The following ZNF385B variants were observed in gnomAD, a reference collection of about 807,000 sequenced individuals.
The protein encoded by ZNF385B is zinc finger protein 533.
Under a neutral mutation model 39.2 loss-of-function variants are expected in ZNF385B, and 23 were observed. That is an observed-to-expected ratio of 0.59 (90% CI 0.42 to 0.83). The LOEUF (loss-of-function observed/expected upper bound fraction) is 0.83, where lower values mean the gene tolerates loss of function less well. Among genes scored for constraint, ZNF385B ranks in the 40% least tolerant of loss-of-function variants. The pLI is 0.00. For synonymous variants in ZNF385B, 205 were observed against 222.6 expected (o/e 0.92, Z 0.70); for missense variants, 552 against 598.9 (o/e 0.92, Z 0.82).
At chr2:179,493,783 A>ATATATATATATG (rs1559338449) in intron 5 of ZNF385B, among the ~76,000 whole-genome samples, 1 of 103,060 alleles carries the variant, frequency 9.7e-6, no homozygotes, top group African/African-American at 3.4e-5. Context: ...ATGTATATAC[A>ATATATATATATG]CATATGTATA....
At chr2:179,520,462 A>G (rs1312743521) in intron 4 of ZNF385B, among the ~76,000 whole-genome samples, 1 of 152,190 alleles carries the variant, frequency 6.6e-6, no homozygotes, top group Non-Finnish European at 1.5e-5. Context: ...AAACTATGTG[A>G]CAAAGAAAAT....
chr2:179,685,699 A>AT (rs1195686204), intron 3 of ZNF385B, among the ~76,000 whole-genome samples: 1 of 151,960 alleles, frequency 6.6e-6, no homozygotes, highest in Non-Finnish European at 1.5e-5. Context: ...AAGTGCTAAA[A>AT]AAAAAAATAA....
At chr2:179,757,327 T>C (rs957643391) in intron 3 of ZNF385B, among the ~76,000 whole-genome samples, 54 of 152,258 alleles carry the variant, frequency 3.5e-4, no homozygotes, top group African/African-American at 1.3e-3. Context: ...TCTGGAAGCT[T>C]TGTCTCAGAG....
chr2:179,469,915 T>C (rs1466469016), intron 6 of ZNF385B, among the ~76,000 whole-genome samples: 3 of 152,210 alleles, frequency 2.0e-5, no homozygotes, highest in Non-Finnish European at 4.4e-5. Flanking sequence ...GGATTAGGCA[T>C]GTACAGATCA....
intron 6 of ZNF385B, among the ~76,000 whole-genome samples, chr2:179,458,071 A>T (rs1295106977): frequency 6.6e-6 from 1 of 152,230 alleles, no homozygotes; most frequent in Non-Finnish European, 1.5e-5. Flanking sequence ...TGTTGACTAA[A>T]GGTGAATGGA....
chr2:179,484,501 T>C (rs2054353470), intron 5 of ZNF385B, among the ~76,000 whole-genome samples: 1 of 151,972 alleles, frequency 6.6e-6, no homozygotes, highest in South Asian at 2.1e-4. Context: ...AAACCATCAG[T>C]TTTCTTTATA....
chr2:179,818,025 T>C (rs1707175827), intron 1 of ZNF385B, among the ~76,000 whole-genome samples: 1 of 152,014 alleles, frequency 6.6e-6, no homozygotes, highest in South Asian at 2.1e-4. Context: ...GAGAAGACTG[T>C]GTGTGGCAGA....
In ZNF385B at chr2:179,524,327, C is replaced by T. The variant is rs568910336; in HGVS notation, c.442-5689G>A. 1.4e-3 allele frequency among the ~76,000 whole-genome samples: 219 copies of T among 151,728 alleles called. 1 individual carries two copies. The highest frequency in any genetic ancestry group is 4.6e-3 in the African/African-American group (192 of 41,374). The stretch of plus-strand genomic sequence containing the variant: ...CAGCACTTTGGGAAGCTGAGGCCGG[C>T]GGATCACGAGGTCAGGAGATAGCGA... On this transcript the variant is annotated intron_variant, in intron 4 of 9. Coordinates refer to ENST00000410066, the MANE Select transcript of ZNF385B (RefSeq NM_152520.6).
intron 4 of ZNF385B, chr2:179,536,191 G>A (rs1260101302): frequency 6.6e-6 from 1 of 151,840 alleles, no homozygotes; most frequent in Non-Finnish European, 1.5e-5. Flanking sequence ...AAATTTTCCT[G>A]TTTCCTCTTC....
chr2:179,456,028 A>C lies in ZNF385B; in HGVS notation c.716-9258T>G, dbSNP rs138602037. On this transcript the variant is annotated intron_variant, in intron 6 of 9. Transcript: ENST00000410066. ...CTATACACTGAATGATGTTTGCACA[A>C]TGACAAAATAGCCTAAAAATGCATA... 6.6e-5 allele frequency among the ~76,000 whole-genome samples: 10 copies of C among 152,318 alleles called. No homozygotes were observed. In the East Asian group the frequency reaches 1.9e-3, roughly 29 times the overall value.
rs572985295 is a variant in ZNF385B at position 179,599,884 on chromosome 2, G to A, written c.299-54915C>T. Among the ~76,000 whole-genome samples, 186 of 152,300 alleles carry A rather than the reference G, an allele frequency of 1.2e-3. 2 individuals are homozygous for A. Among genetic ancestry groups the A allele is most frequent in the Non-Finnish European group, 2.3e-3 (158 of 68,030 alleles). ...AGGAAGAAATTTCTTCTATGGTGAGGCGTAAACACCCTTCCCCCATCCTAT... is the reference window on the plus strand; with the variant it reads ...AGGAAGAAATTTCTTCTATGGTGAGACGTAAACACCCTTCCCCCATCCTAT... On this transcript the variant is annotated intron_variant, in intron 3 of 9. Coordinates refer to ENST00000410066, the MANE Select transcript of ZNF385B (RefSeq NM_152520.6).
At chr2:179,830,076 A>G (rs936618167) in intron 1 of ZNF385B, among the ~76,000 whole-genome samples, 1 of 152,260 alleles carries the variant, frequency 6.6e-6, no homozygotes, top group African/African-American at 2.4e-5. Context: ...GCACCTCGCC[A>G]AAGAAGATAT....
At chr2:179,477,680 G>C (rs551848063) in intron 6 of ZNF385B, among the ~76,000 whole-genome samples, 1 of 152,274 alleles carries the variant, frequency 6.6e-6, no homozygotes, top group African/African-American at 2.4e-5. Flanking sequence ...ATTTCAGTGA[G>C]TACATTTGGC....
intron 3 of ZNF385B, among the ~76,000 whole-genome samples, chr2:179,708,491 G>C (rs1699778730): frequency 6.6e-6 from 1 of 152,180 alleles, no homozygotes; most frequent in South Asian, 2.1e-4. Context: ...TCAGTTCCAA[G>C]GGCCTATAAT....
intron 3 of ZNF385B, among the ~76,000 whole-genome samples, chr2:179,690,187 G>C (rs1278399096): frequency 6.6e-6 from 1 of 152,162 alleles, no homozygotes; most frequent in Non-Finnish European, 1.5e-5. Context: ...CAGAGGGAGT[G>C]TGTCGCCTTC....
chr2:179,486,570 T>C (rs1339278627), intron 5 of ZNF385B, among the ~76,000 whole-genome samples: 1 of 152,168 alleles, frequency 6.6e-6, no homozygotes, highest in Non-Finnish European at 1.5e-5. Flanking sequence ...CGTACTTAAT[T>C]CATGGGAAAT....
chr2:179,757,159 G>T (rs981936751), intron 3 of ZNF385B, among the ~76,000 whole-genome samples: 1 of 152,216 alleles, frequency 6.6e-6, no homozygotes, highest in Non-Finnish European at 1.5e-5. Context: ...TGTCCTTTCT[G>T]TTTGTTAGTT....
chr2:179,518,336 G>A (rs959517765), intron 5 of ZNF385B, among the ~76,000 whole-genome samples, 192 bp downstream of exon 5: 2 of 152,122 alleles, frequency 1.3e-5, no homozygotes, highest in Admixed American at 6.5e-5. Flanking sequence ...GATTCAGAGG[G>A]CCAACCATAC....
chr2:179,450,792 T>C (rs1463678609), intron 6 of ZNF385B, among the ~76,000 whole-genome samples: 24 of 151,952 alleles, frequency 1.6e-4, no homozygotes, highest in African/African-American at 4.3e-4. Context: ...TATAAAGACA[T>C]ATGCACATGT....
Sources: gnomAD v4.1 joint callset for allele counts (sites outside exome capture counted in the v4.1 genomes callset) on GRCh38, gnomAD v4.1.1 for gene constraint, MANE v1.5 for transcripts, NCBI Gene and HGNC (gene_info 2026-07-23, HGNC 2026-07-21) for gene names.